Variants in EVC2 observed in about 807,000 individuals in gnomAD.
The protein encoded by EVC2 is limbin.
Under a neutral mutation model 149.3 loss-of-function variants are expected in EVC2, and 148 were observed. The ratio of observed to expected loss-of-function variants is 0.99; its 90% CI spans 0.87 to 1.14. The LOEUF is 1.14. EVC2 is among the 50% of genes most tolerant of loss of function. The pLI, the probability that EVC2 is intolerant of heterozygous loss-of-function variation, is 0.00. For missense variants in EVC2, 1,854 were observed against 1,627.3 expected, an observed-to-expected ratio of 1.14 and a Z score of -2.40; for synonymous variants, 776 against 649.9, an observed-to-expected ratio of 1.19 and a Z score of -2.95.
intron 10 of EVC2, among the ~76,000 whole-genome samples, chr4:5,635,493 G>T (rs954731536): frequency 3.9e-5 from 6 of 152,102 alleles, no homozygotes; most frequent in Non-Finnish European, 8.8e-5. Flanking sequence ...GAGGGAGTAG[G>T]GGGCATAAAC....
chr4:5,708,915 C>G (rs547084988), upstream of EVC2: 4 of 171,070 alleles, frequency 2.3e-5, no homozygotes, highest in Non-Finnish European at 4.9e-5. Flanking sequence ...TCCCCATCCC[C>G]GCTTAGAAAA....
the EVC2 span, among the ~76,000 whole-genome samples, chr4:5,534,111 G>C: frequency 6.7e-6 from 1 of 149,830 alleles, no homozygotes; most frequent in Non-Finnish European, 1.5e-5. Context: ...TTTTAAAAAA[G>C]ATCAGCCTGG....
At chr4:5,621,320 T>A (rs946309017) in intron 14 of EVC2, among the ~76,000 whole-genome samples, 2 of 152,206 alleles carry the variant, frequency 1.3e-5, no homozygotes, top group Non-Finnish European at 2.9e-5. Flanking sequence ...ACATAAACAT[T>A]GTCTTCACAT....
intron 14 of EVC2, among the ~76,000 whole-genome samples, chr4:5,621,269 T>C (rs1715670154): frequency 6.6e-6 from 1 of 152,190 alleles, no homozygotes; most frequent in African/African-American, 2.4e-5. Flanking sequence ...TGCAGACAGA[T>C]CCTATGTCCA....
At chr4:5,572,819 G>T (rs1722712289) in intron 19 of EVC2, among the ~76,000 whole-genome samples, 1 of 152,168 alleles carries the variant, frequency 6.6e-6, no homozygotes, top group Non-Finnish European at 1.5e-5. Flanking sequence ...AATCAAAGTT[G>T]AGAGTGGGAG....
chr4:5,584,171 A>G (rs1367621318), intron 17 of EVC2, among the ~76,000 whole-genome samples: 2 of 152,226 alleles, frequency 1.3e-5, no homozygotes, highest in Admixed American at 6.5e-5. Context: ...ATTAGTCACC[A>G]AAACAGTTAT....
intron 6 of EVC2, among the ~76,000 whole-genome samples, chr4:5,683,313 A>G (rs745487321): frequency 3.9e-5 from 6 of 152,190 alleles, no homozygotes; most frequent in Non-Finnish European, 7.3e-5. Context: ...ACATTCTAGT[A>G]CATTCTGCTG....
the EVC2 span, among the ~76,000 whole-genome samples, chr4:5,536,088 A>G: frequency 6.6e-6 from 1 of 151,936 alleles, no homozygotes; most frequent in African/African-American, 2.4e-5. Flanking sequence ...TTTCACTACA[A>G]CCAGCACTTT....
intron 7 of EVC2, among the ~76,000 whole-genome samples, chr4:5,672,148 G>C (rs1404166349): frequency 3.3e-5 from 5 of 152,178 alleles, no homozygotes; most frequent in Admixed American, 6.5e-5. Context: ...GGGGGAGGGA[G>C]GGGAGCTCCT....
chr4:5,641,498 C>T (rs1362544363), intron 9 of EVC2, among the ~76,000 whole-genome samples: 2 of 152,084 alleles, frequency 1.3e-5, no homozygotes, highest in Non-Finnish European at 2.9e-5. Flanking sequence ...CTTGAAAATG[C>T]GAGGTAGTTC....
intron 20 of EVC2, among the ~76,000 whole-genome samples, chr4:5,565,672 C>CAA (rs949664571): frequency 1.5e-4 from 12 of 81,776 alleles, no homozygotes; most frequent in African/African-American, 3.1e-4. Flanking sequence ...GACTCCATCT[C>CAA]AAAAAAAAAA....
At chr4:5,577,104 C>A (rs1442734102) in intron 17 of EVC2, among the ~76,000 whole-genome samples, 1 of 152,244 alleles carries the variant, frequency 6.6e-6, no homozygotes, top group Admixed American at 6.5e-5. Context: ...ACACTTACAA[C>A]AATCCTTCAG....
At chr4:5,575,425 C>T (rs1437612257) in intron 18 of EVC2, among the ~76,000 whole-genome samples, 1 of 152,218 alleles carries the variant, frequency 6.6e-6, no homozygotes, top group African/African-American at 2.4e-5. Flanking sequence ...TCCAACCACG[C>T]AGATGGGGCC....
chr4:5,653,653 T>A (rs1577211379), intron 9 of EVC2, among the ~76,000 whole-genome samples: 1 of 152,288 alleles, frequency 6.6e-6, no homozygotes, highest in African/African-American at 2.4e-5. Context: ...TAATAATGTA[T>A]CAATATTGGA....
intron 21 of EVC2, 105 bp from the exon 22 acceptor site, chr4:5,563,220 C>T (rs1722066398): frequency 4.5e-6 from 5 of 1,111,416 alleles, no homozygotes; most frequent in Non-Finnish European, 5.3e-6. Flanking sequence ...AATTCCCCAA[C>T]CCAGTGCCAT....
rs1716882602 is a variant in EVC2, at chr4:5,636,213, G to T, written c.1471-4181C>A. On this transcript the variant is annotated intron_variant, in intron 10 of 21. Coordinates refer to ENST00000344408, the MANE Select transcript of EVC2 (RefSeq NM_147127.5). This position sits in a 1 kb window ranked among gnomAD's most constrained non-coding sequence, Gnocchi z 4.6. The stretch of plus-strand genomic sequence containing the variant: ...GGGAGGAAATAAACCCCAGCAACCT[G>T]CCTTCTGTGCCTATATCCCCCAATA... Among the ~76,000 whole-genome samples, 1 of 152,118 alleles carries T rather than the reference G, an allele frequency of 6.6e-6. No homozygotes were observed. The highest frequency in any genetic ancestry group is 6.5e-5 in the Admixed American group (1 of 15,270).
chr4:5,700,320 A>G (rs1721747876), intron 1 of EVC2, among the ~76,000 whole-genome samples: 1 of 152,124 alleles, frequency 6.6e-6, no homozygotes, highest in South Asian at 2.1e-4. Flanking sequence ...TGATATGAAC[A>G]TTTGCCAATG....
Position 5,689,256 on chromosome 4 carries a change from G to T in EVC2, c.607C>A (p.Leu203Met). The change falls in exon 5 of 22, where the codon CTG becomes ATG. Residue 203 changes from leucine (L) to methionine (M), a missense_variant. Leu to Met is a conservative substitution (Grantham distance 15). Transcript: ENST00000344408. The stretch of plus-strand genomic sequence containing the variant: ...CCAGCAATGCTGTCCAGCAAGAGCA[G>T]CTCCGAGAGGTTGGCTGACGAGGTT... ...KTTSSANLSE[L>M]LLLDSIAGLT... 1.9e-6 allele frequency: 3 copies of T among 1,614,266 alleles called. No homozygotes were observed. The highest frequency in any genetic ancestry group is 1.7e-6 in the Non-Finnish European group (2 of 1,180,058).
At chr4:5,662,141 A>G (rs573302473) in intron 9 of EVC2, among the ~76,000 whole-genome samples, 3 of 152,250 alleles carry the variant, frequency 2.0e-5, no homozygotes, top group South Asian at 4.1e-4. Flanking sequence ...GGCTACTGAC[A>G]TCTCACCAAA....
Sources: allele counts gnomAD v4.1 joint callset (sites outside exome capture counted in the v4.1 genomes callset), GRCh38; gene constraint gnomAD v4.1.1; non-coding constraint Gnocchi (gnomAD v3.1); transcripts MANE v1.5; gene names NCBI Gene and HGNC (gene_info 2026-07-23, HGNC 2026-07-21).